Variants in DNAH11 observed in about 807,000 individuals in gnomAD.
DNAH11 encodes the protein axonemal beta dynein heavy chain 11.
In DNAH11, 442 loss-of-function variants were observed where a neutral mutation model predicts 526.0. The observed-to-expected ratio is 0.84, with a 90% confidence interval of 0.78 to 0.91. DNAH11 has a LOEUF of 0.91. Among genes scored for constraint, DNAH11 ranks in the 40% least tolerant of loss-of-function variants. The pLI is 0.00. For missense variants in DNAH11, 6,989 were observed against 5,448.7 expected (o/e 1.28, Z -8.90); for synonymous variants, 2,461 against 1,935.9 (o/e 1.27, Z -7.12).
intron 68 of DNAH11, 131 bp from the exon 69 acceptor site, chr7:21,861,721 TA>T: frequency 1.3e-6 from 1 of 787,452 alleles, no homozygotes. Flanking sequence ...CCAGAAACTA[TA>T]ATCCTCCTAA....
chr7:21,865,576 A>G (rs1783243048), intron 70 of DNAH11, among the ~76,000 whole-genome samples: 1 of 152,160 alleles, frequency 6.6e-6, no homozygotes, highest in Non-Finnish European at 1.5e-5. Flanking sequence ...GAGAGAGCCA[A>G]CCTTAGAGGA....
intron 48 of DNAH11, among the ~76,000 whole-genome samples, chr7:21,740,290 A>G (rs1331482890): frequency 1.3e-5 from 2 of 152,138 alleles, no homozygotes; most frequent in Non-Finnish European, 2.9e-5. Context: ...TATTAACTAC[A>G]TATGTAATGT....
rs534492437 is a variant in DNAH11, at chr7:21,787,516, T to C, written c.9857T>C (p.Ile3286Thr). The change falls in exon 60 of 82, where the codon ATT becomes ACT. Residue 3286 changes from isoleucine (I) to threonine (T), a missense_variant. Coordinates refer to ENST00000409508, the MANE Select transcript of DNAH11 (RefSeq NM_001277115.2). The stretch of plus-strand genomic sequence containing the variant: ...GACCCAGAGTTTAATCCAAACCTGA[T>C]TCGAACCAAATCTTTTGCAGCAGCT... ...LKDPEFNPNL[I>T]RTKSFAAAGL... is the part of the protein sequence containing the mutation. 6.2e-7 allele frequency: 1 copy of C among 1,613,740 alleles called. No homozygotes were observed. Among genetic ancestry groups the C allele is most frequent in the African/African-American group, 1.3e-5 (1 of 75,056 alleles).
rs923471274 is a variant in DNAH11, at chr7:21,814,349, ATTT to A, written c.10333-2110_10333-2108del. ...CAAAATTTATTTTATTTATTTATTTATTTTTTTTTTATTTTTTTATTTTTATTT... is the reference window on the plus strand; with the variant it reads ...CAAAATTTATTTTATTTATTTATTTATTTTTTTATTTTTTTATTTTTATTT... On this transcript the variant is annotated intron_variant, in intron 63 of 81. Coordinates refer to ENST00000409508, the MANE Select transcript of DNAH11 (RefSeq NM_001277115.2). 6.2e-3 allele frequency among the ~76,000 whole-genome samples: 894 copies of A among 143,280 alleles called. 18 individuals are homozygous for A. The highest frequency in any genetic ancestry group is 0.021 in the African/African-American group (784 of 37,506). The allele number at this position is 143,280 out of a possible 152,430, so 94.0% of individuals were successfully genotyped here. A position where few individuals can be genotyped will look rare whatever the true frequency, so the allele number is the denominator to read the frequency against.
At position 21,616,167 on chromosome 7, in the gene DNAH11, A is replaced by G. The variant is rs142047221; in HGVS notation, c.4012-42A>G. The G allele has an allele frequency of 5.6e-5, 85 of 1,506,542 alleles. No homozygotes were observed. In the Middle Eastern group the frequency reaches 8.5e-4, roughly 15 times the overall value. The allele number at this position is 1,506,542 out of a possible 1,614,324, so 93.3% of individuals were successfully genotyped here. A position where few individuals can be genotyped will look rare whatever the true frequency, so the allele number is the denominator to read the frequency against. On this transcript the variant is annotated intron_variant, in intron 21 of 81. Transcript: ENST00000409508. ...TATTTTGCTGCAGAGACTTGCTTTCACCAAATGTTGTTGACACTTTTATCT... is the reference window on the plus strand; with the variant it reads ...TATTTTGCTGCAGAGACTTGCTTTCGCCAAATGTTGTTGACACTTTTATCT...
At chr7:21,667,366 A>G (rs1236284792) in intron 30 of DNAH11, among the ~76,000 whole-genome samples, 1 of 152,120 alleles carries the variant, frequency 6.6e-6, no homozygotes, top group African/African-American at 2.4e-5. Flanking sequence ...TGTGGGCCAT[A>G]TAGTCTCTTC....
At chr7:21,836,822 G>C (rs1017294250) in intron 65 of DNAH11, among the ~76,000 whole-genome samples, 1 of 152,056 alleles carries the variant, frequency 6.6e-6, no homozygotes, top group African/African-American at 2.4e-5. Flanking sequence ...CAGAATGGGA[G>C]AAAATATGTT....
chr7:21,680,149 C>T (rs1038519214), intron 30 of DNAH11, among the ~76,000 whole-genome samples: 7 of 152,282 alleles, frequency 4.6e-5, no homozygotes, highest in African/African-American at 1.7e-4. Flanking sequence ...TCCAGCCGCA[C>T]GGCAATCTCA....
intron 81 of DNAH11, among the ~76,000 whole-genome samples, chr7:21,900,552 G>A (rs897429567): frequency 6.7e-6 from 1 of 150,308 alleles, no homozygotes; most frequent in African/African-American, 2.4e-5. Flanking sequence ...GTTAGACTAT[G>A]CAATATTTTC....
At chr7:21,643,498 T>C (rs1250960370) in intron 28 of DNAH11, among the ~76,000 whole-genome samples, 1 of 152,228 alleles carries the variant, frequency 6.6e-6, no homozygotes, top group African/African-American at 2.4e-5. Context: ...GTCAACGTGA[T>C]TGGCTCTACT....
At chr7:21,737,982 A>T (rs1023420972) in intron 46 of DNAH11, among the ~76,000 whole-genome samples, 4 of 152,102 alleles carry the variant, frequency 2.6e-5, no homozygotes, top group African/African-American at 9.7e-5. Flanking sequence ...TTGCTCATTT[A>T]AAAAAAGTAC....
chr7:21,833,849 C>A (rs903187874), intron 65 of DNAH11, among the ~76,000 whole-genome samples: 2 of 152,012 alleles, frequency 1.3e-5, no homozygotes, highest in Non-Finnish European at 2.9e-5. Context: ...TGACATGAAA[C>A]CCTCACTCTT....
At chr7:21,877,639 G>A (rs894249673) in intron 74 of DNAH11, among the ~76,000 whole-genome samples, 3 of 152,094 alleles carry the variant, frequency 2.0e-5, no homozygotes, top group Non-Finnish European at 2.9e-5. Flanking sequence ...ACTTTGGGAG[G>A]CCGAGGCGGG....
At chr7:21,725,373 A>G (rs1785059021) in intron 44 of DNAH11, among the ~76,000 whole-genome samples, 1 of 152,242 alleles carries the variant, frequency 6.6e-6, no homozygotes, top group Non-Finnish European at 1.5e-5. Context: ...TTATGAAAAT[A>G]ACTATCACCA....
At chr7:21,606,791 G>A in intron 20 of DNAH11, 58 bp downstream of exon 20, 1 of 1,403,798 alleles carries the variant, frequency 7.1e-7, no homozygotes, top group East Asian at 2.4e-5. Flanking sequence ...AAAAATGTAA[G>A]TTTAGACACA....
At chr7:21,881,835 A>G (rs542054724) in intron 75 of DNAH11, among the ~76,000 whole-genome samples, 1 of 152,282 alleles carries the variant, frequency 6.6e-6, no homozygotes, top group East Asian at 1.9e-4. Flanking sequence ...TAACAGGCAT[A>G]TTTTCCCAAG....
Position 21,894,972 on chromosome 7 carries a change from A to T in DNAH11, c.13022A>T (p.Tyr4341Phe). The change falls in exon 79 of 82, where the codon TAT (tyrosine) becomes TTT (phenylalanine). Residue 4341 changes from tyrosine (Y) to phenylalanine (F), a missense_variant. Transcript: ENST00000409508. ...CCAGACACTTGGAGCAAACTGGCTT[A>T]TCCTTCTACTTATGGCCTAGCCCAG... ...TVPDTWSKLA[Y>F]PSTYGLAQWF... 1 of 1,614,006 alleles carries T rather than the reference A, an allele frequency of 6.2e-7. No homozygotes were observed. Among genetic ancestry groups the T allele is most frequent in the Non-Finnish European group, 8.5e-7 (1 of 1,179,886 alleles).
chr7:21,642,618 A>G (rs2128461279), intron 28 of DNAH11, among the ~76,000 whole-genome samples: 1 of 152,268 alleles, frequency 6.6e-6, no homozygotes, highest in Admixed American at 6.5e-5. Context: ...TTGTGGAGCA[A>G]CAATGCAATT....
Position 21,842,607 on chromosome 7 carries a change from A to G in DNAH11, c.10755A>G (p.Thr3585=), listed in dbSNP as rs1230736889. The change falls in exon 66 of 82, where the codon ACA becomes ACG. Residue 3585 remains threonine, a synonymous_variant. Coordinates refer to ENST00000409508, the MANE Select transcript of DNAH11 (RefSeq NM_001277115.2). ...AGAACTTTCGCCTTATCCTTCACACAAAATTGGCAAATCCTCACTATAAGC... is the reference window on the plus strand; with the variant it reads ...AGAACTTTCGCCTTATCCTTCACACGAAATTGGCAAATCCTCACTATAAGC... ...FNKNFRLILH[T]KLANPHYKPE... 11 of 1,613,850 alleles carry G rather than the reference A, an allele frequency of 6.8e-6. No homozygotes were observed. Among genetic ancestry groups the G allele is most frequent in the Non-Finnish European group, 9.3e-6 (11 of 1,179,882 alleles).
Sources: allele counts gnomAD v4.1 joint callset (sites outside exome capture counted in the v4.1 genomes callset), GRCh38; gene constraint gnomAD v4.1.1; transcripts MANE v1.5; gene names NCBI Gene and HGNC (gene_info 2026-07-23, HGNC 2026-07-21).